PPARA: variants seen among roughly 807,000 people sequenced by gnomAD.
The protein encoded by PPARA is peroxisome proliferator-activated receptor alpha.
PPARA carries 22 observed loss-of-function variants against 42.2 expected under a neutral mutation model. The ratio of observed to expected loss-of-function variants is 0.52; its 90% CI spans 0.37 to 0.74. The LOEUF is 0.74. PPARA is among the 30% of genes least tolerant of loss of function. The pLI is 0.00. For synonymous variants in PPARA, 242 were observed against 239.3 expected, an observed-to-expected ratio of 1.01 and a Z score of -0.10; for missense variants, 465 against 608.2, an observed-to-expected ratio of 0.76 and a Z score of 2.48.
At position 46,218,328 on chromosome 22, in the gene PPARA, C is replaced by A. The variant is rs577158678; in HGVS notation, c.435C>A (p.Ile145=). ...VYDKCDRSCK[I]QKKNRNKCQY... The stretch of plus-strand genomic sequence containing the variant: ...ACAAGTGCGACCGCAGCTGCAAGAT[C>A]CAGAAAAAGAACAGAAACAAATGCC... Residue 145 remains isoleucine, a synonymous_variant, in exon 6 of 9, where the codon ATC becomes ATA. Transcript: ENST00000407236. The A allele has an allele frequency of 1.2e-6, 2 of 1,614,018 alleles. No individual in the cohort carries two copies. The highest frequency in any genetic ancestry group is 3.3e-5 in the Admixed American group (2 of 60,002).
At position 46,210,099 on chromosome 22, in the gene PPARA, C is replaced by T. The variant is rs138186595; in HGVS notation, c.209-5074C>T. On this transcript the variant is annotated intron_variant, in intron 4 of 8. Transcript: ENST00000407236. ...CCGAGGTTGGGAAATAATCTGAGGT[C>T]GGGAGTTCGAGACCAGCCTGACCAA... 2.7e-3 allele frequency among the ~76,000 whole-genome samples: 416 copies of T among 151,632 alleles called. 1 individual carries two copies. Among genetic ancestry groups the T allele is most frequent in the African/African-American group, 9.6e-3 (398 of 41,380 alleles).
intron 4 of PPARA, among the ~76,000 whole-genome samples, chr22:46,199,275 G>A (rs1211753564): frequency 6.6e-6 from 1 of 152,268 alleles, no homozygotes; most frequent in East Asian, 1.9e-4. Context: ...CTGTACATGC[G>A]TCAAAGGGAA....
At chr22:46,228,130 G>A (rs931125793) in intron 7 of PPARA, among the ~76,000 whole-genome samples, 14 of 152,194 alleles carry the variant, frequency 9.2e-5, no homozygotes, top group African/African-American at 2.9e-4. Context: ...ACTAGTCCAC[G>A]GTGAGCCTCA....
At chr22:46,214,849 TG>T (rs1934313490) in intron 4 of PPARA, among the ~76,000 whole-genome samples, 1 of 144,476 alleles carries the variant, frequency 6.9e-6, no homozygotes, top group Non-Finnish European at 1.5e-5. Flanking sequence ...GATGTGTGGA[TG>T]GGAGACGCGC....
chr22:46,228,264 G>A lies in PPARA; in HGVS notation c.712-3528G>A, dbSNP rs143559706. 1.4e-3 allele frequency among the ~76,000 whole-genome samples: 207 copies of A among 152,198 alleles called. 1 individual carries two copies. Among genetic ancestry groups the A allele is most frequent in the African/African-American group, 3.9e-3 (163 of 41,514 alleles). ...TGAACAAGGGGTCCCGCAGTGTGTG[G>A]TGGCTCACGCCTGTAATCCCAACAC... On this transcript the variant is annotated intron_variant, in intron 7 of 8. Transcript: ENST00000407236.
intron 1 of PPARA, among the ~76,000 whole-genome samples, chr22:46,151,618 G>C (rs1924446118): frequency 1.3e-5 from 2 of 152,234 alleles, no homozygotes; most frequent in African/African-American, 4.8e-5. Flanking sequence ...CCTGGGCTTC[G>C]TGGGACCTCC....
intron 3 of PPARA, among the ~76,000 whole-genome samples, chr22:46,197,754 A>G (rs1216333969): frequency 7.9e-5 from 12 of 151,874 alleles, no homozygotes; most frequent in Admixed American, 7.9e-4. Flanking sequence ...ATACAAAAAA[A>G]CTAGCTGGGC....
rs1436408975 is a variant in PPARA, at chr22:46,231,771, C to A, written c.712-21C>A. The A allele has an allele frequency of 6.2e-7, 1 of 1,609,330 alleles. No individual in the cohort carries two copies. The highest frequency in any genetic ancestry group is 8.5e-7 in the Non-Finnish European group (1 of 1,178,400). On this transcript the variant is annotated intron_variant, in intron 7 of 8. Transcript: ENST00000407236. This position sits in a 1 kb window ranked among gnomAD's most constrained non-coding sequence, Gnocchi z 7.7. ...AGCGCATCCCACATCACCTGACTTA[C>A]CTTGGTGTCCTCCTTTGTAGCCTTT...
At chr22:46,214,676 G>A (rs1934288692) in intron 4 of PPARA, among the ~76,000 whole-genome samples, 2 of 151,058 alleles carry the variant, frequency 1.3e-5, no homozygotes, top group African/African-American at 4.9e-5. Flanking sequence ...GGAGACGCGC[G>A]GGTCCGGAGA....
Position 46,162,403 on chromosome 22 carries a change from C to T in PPARA, c.-127+10433C>T, listed in dbSNP as rs944735665. Reference sequence around the variant, plus strand: ...GGTTCTTCTCGTGCACTGGGCGTGCCGGAGACACACTCCCTTACCCTCATA... The same window carrying T: ...GGTTCTTCTCGTGCACTGGGCGTGCTGGAGACACACTCCCTTACCCTCATA... On this transcript the variant is annotated intron_variant, in intron 2 of 8. Transcript: ENST00000407236. The surrounding 1 kb of genome is among the most constrained non-coding windows in gnomAD (Gnocchi z 6.0). 2.0e-5 allele frequency among the ~76,000 whole-genome samples: 3 copies of T among 152,222 alleles called. No homozygotes were observed. Among genetic ancestry groups the T allele is most frequent in the African/African-American group, 7.2e-5 (3 of 41,534 alleles).
In PPARA at chr22:46,161,152, C is replaced by T. The variant is rs1216391166; in HGVS notation, c.-127+9182C>T. On this transcript the variant is annotated intron_variant, in intron 2 of 8. Coordinates refer to ENST00000407236, the MANE Select transcript of PPARA (RefSeq NM_005036.6). This position sits in a 1 kb window ranked among gnomAD's most constrained non-coding sequence, Gnocchi z 4.8. ...AGAAAACCACGGCAGCTTCCATGGA[C>T]TCATAAAAAGAGCTCAAAACCTAGG... Among the ~76,000 whole-genome samples, 1 of 152,162 alleles carries T rather than the reference C, an allele frequency of 6.6e-6. No individual in the cohort carries two copies. Among genetic ancestry groups the T allele is most frequent in the Non-Finnish European group, 1.5e-5 (1 of 68,034 alleles).
At chr22:46,152,763 A>G (rs1382719751) in intron 2 of PPARA, among the ~76,000 whole-genome samples, 1 of 152,198 alleles carries the variant, frequency 6.6e-6, no homozygotes, top group Non-Finnish European at 1.5e-5. Flanking sequence ...GGGGCTGATG[A>G]TGACCTCTGC....
rs1012302701 is a variant in PPARA at position 46,224,238 on chromosome 22, C to A, written c.711+4224C>A. On this transcript the variant is annotated intron_variant, in intron 7 of 8. Transcript: ENST00000407236. The surrounding 1 kb of genome is among the most constrained non-coding windows in gnomAD (Gnocchi z 5.7). ...GGAGGCACGGCCCCCTCCTCCCTGC[C>A]TAGCCTGCTGACGGGCTTTCCAGAG... Among the ~76,000 whole-genome samples, 2 of 151,914 alleles carry A rather than the reference C, an allele frequency of 1.3e-5. No individual in the cohort carries two copies. The highest frequency in any genetic ancestry group is 2.4e-5 in the African/African-American group (1 of 41,366).
intron 4 of PPARA, among the ~76,000 whole-genome samples, chr22:46,199,949 C>A (rs181133293): frequency 6.6e-6 from 1 of 152,156 alleles, no homozygotes; most frequent in Non-Finnish European, 1.5e-5. Context: ...TCTCAAACTC[C>A]TGACGTCAGG....
intron 3 of PPARA, among the ~76,000 whole-genome samples, chr22:46,189,319 G>T (rs145739327): frequency 6.6e-6 from 1 of 152,232 alleles, no homozygotes; most frequent in African/African-American, 2.4e-5. Flanking sequence ...TGTAAAGTCC[G>T]TAGGGAGTTT....
In PPARA at chr22:46,162,949, G is replaced by A. The variant is rs560112252; in HGVS notation, c.-127+10979G>A. ...TATTCAGCAAATATTTACTGAGCAC[G>A]TACTGCGTGCCAGGCACTGTCCTGC... is the stretch of plus-strand genomic sequence containing the variant. On this transcript the variant is annotated intron_variant, in intron 2 of 8. Coordinates refer to ENST00000407236, the MANE Select transcript of PPARA (RefSeq NM_005036.6). The surrounding 1 kb of genome is among the most constrained non-coding windows in gnomAD (Gnocchi z 6.0). Among the ~76,000 whole-genome samples the A allele has an allele frequency of 7.9e-5, 12 of 152,296 alleles. No homozygotes were observed. The highest frequency in any genetic ancestry group is 1.9e-4 in the African/African-American group (8 of 41,554).
At chr22:46,159,042 A>G (rs996122548) in intron 2 of PPARA, among the ~76,000 whole-genome samples, 7 of 152,086 alleles carry the variant, frequency 4.6e-5, no homozygotes, top group African/African-American at 1.7e-4. Context: ...GGCATGTGCC[A>G]CCACGCCCGG....
Position 46,224,986 on chromosome 22 carries a change from A to G in PPARA, c.711+4972A>G, listed in dbSNP as rs1245652928. On this transcript the variant is annotated intron_variant, in intron 7 of 8. Coordinates refer to ENST00000407236, the MANE Select transcript of PPARA (RefSeq NM_005036.6). The surrounding 1 kb of genome is among the most constrained non-coding windows in gnomAD (Gnocchi z 5.7). ...GCTAGAATGCTGGGGGGGGGCCTGA[A>G]ACCGGTGGGGGAGTTGTGGGAGGCC... 7.0e-6 allele frequency among the ~76,000 whole-genome samples: 1 copy of G among 142,140 alleles called. No individual in the cohort carries two copies. The highest frequency in any genetic ancestry group is 1.5e-5 in the Non-Finnish European group (1 of 65,090). 93.2% of individuals were successfully genotyped at this position (142,140 alleles called of 152,430 possible). A position where few individuals can be genotyped will look rare whatever the true frequency, so the allele number is the denominator to read the frequency against.
At position 46,173,180 on chromosome 22, in the gene PPARA, C is replaced by T. The variant is rs1039919378; in HGVS notation, c.-126-3573C>T. On this transcript the variant is annotated intron_variant, in intron 2 of 8. Transcript: ENST00000407236. The surrounding 1 kb of genome is among the most constrained non-coding windows in gnomAD (Gnocchi z 4.3). ...GTTGAGTTGCTTAAAGTCATGCTAT[C>T]GGGTAGATGTTGTGGCTGTTCTTTT... Among the ~76,000 whole-genome samples the T allele has an allele frequency of 2.6e-5, 4 of 152,288 alleles. No individual in the cohort carries two copies. The highest frequency in any genetic ancestry group is 2.1e-4 in the South Asian group (1 of 4,824).
Sources: gnomAD v4.1 joint callset for allele counts (sites outside exome capture counted in the v4.1 genomes callset) on GRCh38, gnomAD v4.1.1 for gene constraint, Gnocchi (gnomAD v3.1) non-coding constraint, MANE v1.5 for transcripts, NCBI Gene and HGNC (gene_info 2026-07-23, HGNC 2026-07-21) for gene names.